The following APBA2 variants were observed in gnomAD, a reference collection of about 807,000 sequenced individuals.
APBA2 encodes the protein amyloid-beta A4 precursor protein-binding family A member 2.
In APBA2, 30 loss-of-function variants were observed where a neutral mutation model predicts 75.0. That is an observed-to-expected ratio of 0.40 (90% CI 0.30 to 0.54). The LOEUF (loss-of-function observed/expected upper bound fraction) is 0.54, where lower values mean the gene tolerates loss of function less well. Among genes scored for constraint, APBA2 ranks in the 20% least tolerant of loss-of-function variants. APBA2 has a pLI of 0.49. For synonymous variants in APBA2, 444 were observed against 409.6 expected (o/e 1.08, Z -1.01); for missense variants, 801 against 1,016.1 (o/e 0.79, Z 2.88).
chr15:28,967,567 T>C (rs1033499363), intron 2 of APBA2, among the ~76,000 whole-genome samples: 4 of 152,064 alleles, frequency 2.6e-5, no homozygotes, highest in Non-Finnish European at 4.4e-5. Context: ...GCCTCCCAAG[T>C]AGCTGGGACT....
intron 5 of APBA2, 21 bp downstream of exon 5, chr15:29,075,022 G>C (rs1180614145): frequency 6.3e-7 from 1 of 1,584,566 alleles, no homozygotes; most frequent in East Asian, 2.2e-5. Context: ...TCAAGGATGA[G>C]AGTTCTGGGC....
intron 2 of APBA2, among the ~76,000 whole-genome samples, chr15:28,968,069 T>G (rs951809988): frequency 1.3e-5 from 2 of 152,254 alleles, no homozygotes; most frequent in African/African-American, 4.8e-5. Flanking sequence ...ACTGACTTCT[T>G]TCCCTTAGCA....
At chr15:29,044,005 A>T (rs2041181777) in intron 3 of APBA2, among the ~76,000 whole-genome samples, 1 of 152,248 alleles carries the variant, frequency 6.6e-6, no homozygotes, top group African/African-American at 2.4e-5. Flanking sequence ...TAGTGAAAGC[A>T]ACTAAATTAT....
intron 2 of APBA2, chr15:28,961,270 G>C (rs1237822050): frequency 6.6e-6 from 1 of 152,260 alleles, no homozygotes; most frequent in African/African-American, 2.4e-5. Context: ...TGTATAGGAC[G>C]TTTCTAGAAA....
intron 3 of APBA2, among the ~76,000 whole-genome samples, chr15:29,016,419 C>T (rs998540357): frequency 1.3e-5 from 2 of 152,186 alleles, no homozygotes; most frequent in African/African-American, 2.4e-5. Flanking sequence ...TATGGGAAGA[C>T]CCCTCACTTC....
At chr15:28,895,731 G>C (rs566264546) in intron 1 of APBA2, 5 of 152,328 alleles carry the variant, frequency 3.3e-5, no homozygotes, top group African/African-American at 1.2e-4. Flanking sequence ...CTGTCTGCTG[G>C]GACTGCGCTG....
At chr15:29,063,947 C>T (rs952945242) in intron 4 of APBA2, among the ~76,000 whole-genome samples, 11 of 151,996 alleles carry the variant, frequency 7.2e-5, no homozygotes, top group African/African-American at 2.2e-4. Flanking sequence ...GGGGTGAGGT[C>T]GGGTAAGGGC....
At chr15:28,994,219 T>C (rs1274915065) in intron 2 of APBA2, among the ~76,000 whole-genome samples, 1 of 152,228 alleles carries the variant, frequency 6.6e-6, no homozygotes, top group Non-Finnish European at 1.5e-5. Context: ...GAAGTAGTTA[T>C]TGGCCAGTTT....
intron 6 of APBA2, among the ~76,000 whole-genome samples, chr15:29,083,713 T>A (rs995796504): frequency 6.6e-6 from 1 of 152,116 alleles, no homozygotes; most frequent in Non-Finnish European, 1.5e-5. Flanking sequence ...GTATTTTTAG[T>A]AGAGATGGGG....
At chr15:29,106,864 C>T in intron 12 of APBA2, 45 bp downstream of exon 12, 1 of 1,558,232 alleles carries the variant, frequency 6.4e-7, no homozygotes, top group Non-Finnish European at 8.8e-7. Context: ...CTCAACCCTG[C>T]CTCACTTCAT....
In APBA2 at chr15:29,060,385, A is replaced by T. The variant is rs1337978882; in HGVS notation, c.951+5550A>T. On this transcript the variant is annotated intron_variant, in intron 4 of 14. Coordinates refer to ENST00000683413, the MANE Select transcript of APBA2 (RefSeq NM_001353788.2). The stretch of plus-strand genomic sequence containing the variant: ...AGACTGTGGACTGTGTTATGCCAAA[A>T]CCCGTGCCTCTGAACAGTGCATAAC... 2.6e-5 allele frequency among the ~76,000 whole-genome samples: 4 copies of T among 152,198 alleles called. No homozygotes were observed. The East Asian group carries it at 7.7e-4, about 29-fold the overall frequency.
chr15:29,110,592 C>T (rs2044674925), intron 13 of APBA2, among the ~76,000 whole-genome samples: 1 of 152,184 alleles, frequency 6.6e-6, no homozygotes, highest in Admixed American at 6.5e-5. Context: ...CCTCAGTCTG[C>T]TGGTCTTCCC....
chr15:29,036,081 G>A (rs2040734483), intron 3 of APBA2, among the ~76,000 whole-genome samples: 1 of 152,134 alleles, frequency 6.6e-6, no homozygotes, highest in Non-Finnish European at 1.5e-5. Flanking sequence ...CTGGAGAGGT[G>A]CCAGGGTTCA....
intron 2 of APBA2, among the ~76,000 whole-genome samples, chr15:28,936,563 C>T (rs1306636841): frequency 6.6e-6 from 1 of 152,136 alleles, no homozygotes; most frequent in African/African-American, 2.4e-5. Context: ...GCACTAGTGC[C>T]TGCGCGTTAG....
chr15:29,107,658 G>A (rs1367285822), intron 12 of APBA2, among the ~76,000 whole-genome samples: 1 of 152,088 alleles, frequency 6.6e-6, no homozygotes, highest in Non-Finnish European at 1.5e-5. Context: ...TGGCACCAGA[G>A]GGCTCAGCAG....
At chr15:29,059,265 G>A (rs1292829647) in intron 4 of APBA2, among the ~76,000 whole-genome samples, 1 of 152,138 alleles carries the variant, frequency 6.6e-6, no homozygotes, top group African/African-American at 2.4e-5. Flanking sequence ...CAAGTGTGGT[G>A]CTGAAGCCTA....
intron 2 of APBA2, among the ~76,000 whole-genome samples, chr15:28,929,565 A>G (rs2152685741): frequency 6.6e-6 from 1 of 152,298 alleles, no homozygotes; most frequent in South Asian, 2.1e-4. Flanking sequence ...CCCTGGGGCA[A>G]CAGCGTTGGC....
rs1000230590 is a variant in APBA2, at chr15:29,101,691, G to A, written c.1431G>A (p.Arg477=). ...VVLMARRRMP[R]SASQDCIETT... The stretch of plus-strand genomic sequence containing the variant: ...TGATGGCCAGACGCCGCATGCCCCG[G>A]TCAGCCTCTCAGGACTGCATCGAGA... Residue 477 remains arginine, a synonymous_variant, in exon 10 of 15, where the codon CGG becomes CGA. Transcript: ENST00000683413. 6.2e-6 allele frequency: 10 copies of A among 1,613,570 alleles called. No homozygotes were observed. Among genetic ancestry groups the A allele is most frequent in the Admixed American group, 5.0e-5 (3 of 60,002 alleles).
intron 2 of APBA2, among the ~76,000 whole-genome samples, chr15:28,985,549 G>C (rs2037875820): frequency 6.6e-6 from 1 of 152,218 alleles, no homozygotes; most frequent in Admixed American, 6.5e-5. Context: ...GGCCAGAAAA[G>C]GGGTTGTTTC....
Sources: gnomAD v4.1 joint callset for allele counts (sites outside exome capture counted in the v4.1 genomes callset) on GRCh38, gnomAD v4.1.1 for gene constraint, MANE v1.5 for transcripts, NCBI Gene and HGNC (gene_info 2026-07-23, HGNC 2026-07-21) for gene names.